OR13A1: variants seen among roughly 807,000 people sequenced by gnomAD.
OR13A1 encodes olfactory receptor family 13 subfamily A member 1.
In OR13A1, 10 loss-of-function variants were observed where a neutral mutation model predicts 7.5. The ratio of observed to expected loss-of-function variants is 1.34; its 90% confidence interval spans 0.83 to 2.27. The LOEUF (loss-of-function observed/expected upper bound fraction) is 2.27. OR13A1 is among the 30% of genes most tolerant of loss of function. The pLI is 0.00. For synonymous variants in OR13A1, 238 were observed against 177.9 expected (o/e 1.34, Z -2.69); for missense variants, 509 against 419.1 (o/e 1.21, Z -1.87).
Position 45,304,130 on chromosome 10 carries a change from T to C in OR13A1, c.293A>G (p.Lys98Arg). ...TTCCGACACCAGACTGGCCAGCGCC[T>C]TGGGCATGATGGAAGAGGTGCAGAT... ...DIICTSSIMP[K>R]ALASLVSEES... is the part of the protein sequence containing the mutation. Residue 98 changes from lysine to arginine, a missense_variant, in exon 4 of 4, where the codon AAG becomes AGG. Coordinates refer to ENST00000553795, the MANE Select transcript of OR13A1 (RefSeq NM_001004297.3). 6.2e-7 allele frequency: 1 copy of C among 1,614,180 alleles called. No homozygotes were observed. Among genetic ancestry groups the C allele is most frequent in the Non-Finnish European group, 8.5e-7 (1 of 1,180,024 alleles).
At position 45,303,433 on chromosome 10, in the gene OR13A1, A is replaced by T. The variant is rs778518255; in HGVS notation, c.*3T>A. On this transcript the variant is annotated 3_prime_UTR_variant, in exon 4 of 4. Transcript: ENST00000553795. Reference sequence around the variant, plus strand: ...CAAGGACAAAAACTTCAGAAGACACAAGTTAATTTCTGAAGAAAGGGAAAA... The same window carrying T: ...CAAGGACAAAAACTTCAGAAGACACTAGTTAATTTCTGAAGAAAGGGAAAA... 1 of 1,582,730 alleles carries T rather than the reference A, an allele frequency of 6.3e-7. No individual in the cohort carries two copies. Among genetic ancestry groups the T allele is most frequent in the Non-Finnish European group, 8.6e-7 (1 of 1,163,078 alleles).
chr10:45,306,239 G>T (rs925421992), intron 3 of OR13A1, among the ~76,000 whole-genome samples: 3 of 152,164 alleles, frequency 2.0e-5, no homozygotes, highest in African/African-American at 7.2e-5. Flanking sequence ...TGGATCAGAA[G>T]GTCAGGAGAT....
At chr10:45,307,889 T>C (rs1391223800) in intron 1 of OR13A1, 81 bp from the exon 2 acceptor site, 3 of 152,192 alleles carry the variant, frequency 2.0e-5, no homozygotes, top group African/African-American at 7.2e-5. Flanking sequence ...ATCTCTGAAA[T>C]TAAAAAGGTA....
chr10:45,307,047 T>C (rs1436037421), intron 3 of OR13A1, among the ~76,000 whole-genome samples: 1 of 152,242 alleles, frequency 6.6e-6, no homozygotes, highest in African/African-American at 2.4e-5. Context: ...GTTTCTGCAC[T>C]TCCGACTCAT....
chr10:45,304,387 TGG>T lies in OR13A1; in HGVS notation c.34_35del (p.Pro12ArgfsTer11), dbSNP rs750469537. The T allele has an allele frequency of 6.2e-7, 1 of 1,613,868 alleles. No homozygotes were observed. Among genetic ancestry groups the T allele is most frequent in the South Asian group, 1.1e-5 (1 of 91,064 alleles). On this transcript the variant is annotated frameshift_variant, in exon 4 of 4. Transcript: ENST00000553795. LOFTEE classifies it high-confidence loss of function. ...TCATCCTTGGGCTGGGACGGGTTTC[TGG>T]GACTATCAGGTGACTCTCCATCCAC... is the stretch of plus-strand genomic sequence containing the variant. ...KLWMESHLIV[P>X]ETRPSPRMMS...
At chr10:45,309,425 C>A (rs1471913706) in intron 1 of OR13A1, among the ~76,000 whole-genome samples, 2 of 152,090 alleles carry the variant, frequency 1.3e-5, no homozygotes, top group African/African-American at 4.8e-5. Context: ...ATCTCCCCTA[C>A]CAAACCTTCC....
chr10:45,303,982 C>G lies in OR13A1; in HGVS notation c.441G>C (p.Pro147=), dbSNP rs776129467. 4 of 1,612,570 alleles carry G rather than the reference C, an allele frequency of 2.5e-6. No homozygotes were observed. Among genetic ancestry groups the G allele is most frequent in the East Asian group, 4.5e-5 (2 of 44,850 alleles). The stretch of plus-strand genomic sequence containing the variant: ...TGCTCATCATGCTGCTGTAATGCAG[C>G]GGGTGGCAGATGGCTGCGTACCGGT... ...AYDRYAAICH[P]LHYSSMMSKV... is the part of the protein sequence containing the mutation. Residue 147 remains proline, a synonymous_variant, in exon 4 of 4, where the codon CCG becomes CCC. Transcript: ENST00000553795.
At position 45,310,691 on chromosome 10, in the gene OR13A1, TAA is replaced by T. The variant is rs199606267; in HGVS notation, c.-224-2885_-224-2884del. On this transcript the variant is annotated intron_variant, in intron 1 of 3. Transcript: ENST00000553795. ...GAACTAGAGATAAGGAACTTAGGAA[TAA>T]AAGACTGGAAGTAAGAATGAATTGT... 3.7e-3 allele frequency among the ~76,000 whole-genome samples: 568 copies of T among 151,834 alleles called. 7 individuals are homozygous for T. Among genetic ancestry groups the T allele is most frequent in the African/African-American group, 0.013 (536 of 41,374 alleles).
At chr10:45,306,114 G>A (rs1034267106) in intron 3 of OR13A1, among the ~76,000 whole-genome samples, 1 of 152,204 alleles carries the variant, frequency 6.6e-6, no homozygotes, top group Admixed American at 6.5e-5. Context: ...GATAAAATCA[G>A]CATAGTGCAC....
chr10:45,313,192 C>T (rs562427240), intron 1 of OR13A1, among the ~76,000 whole-genome samples: 5 of 151,986 alleles, frequency 3.3e-5, no homozygotes, highest in East Asian at 3.9e-4. Context: ...TGTACACAGT[C>T]GAAGTTATTC....
At chr10:45,314,852 G>A (rs1356895106) in intron 1 of OR13A1, among the ~76,000 whole-genome samples, 2 of 152,036 alleles carry the variant, frequency 1.3e-5, no homozygotes, top group Non-Finnish European at 1.5e-5. Context: ...CCTAATAAGA[G>A]TGAATCATGA....
At chr10:45,313,716 T>C (rs540795894) in intron 1 of OR13A1, among the ~76,000 whole-genome samples, 1 of 152,020 alleles carries the variant, frequency 6.6e-6, no homozygotes, top group East Asian at 1.9e-4. Flanking sequence ...CAGAAAGATA[T>C]AACAATTACA....
At position 45,304,451 on chromosome 10, in the gene OR13A1, G is replaced by C; in HGVS notation, c.-12-17C>G. ...ATTTCAGAGCTAGAGAGATAAACAAGAGGTGTCCTGAGGAAGGCTGCTCCC... is the reference window on the plus strand; with the variant it reads ...ATTTCAGAGCTAGAGAGATAAACAACAGGTGTCCTGAGGAAGGCTGCTCCC... On this transcript the variant is annotated splice_polypyrimidine_tract_variant and intron_variant, in intron 3 of 3. Coordinates refer to ENST00000553795, the MANE Select transcript of OR13A1 (RefSeq NM_001004297.3). The C allele has an allele frequency of 6.3e-7, 1 of 1,582,318 alleles. No individual in the cohort carries two copies. The highest frequency in any genetic ancestry group is 2.3e-4 in the Middle Eastern group (1 of 4,444).
intron 1 of OR13A1, among the ~76,000 whole-genome samples, chr10:45,315,057 C>A (rs377645879): frequency 2.6e-5 from 4 of 151,454 alleles, no homozygotes; most frequent in East Asian, 3.9e-4. Flanking sequence ...GCCAGTATTA[C>A]CCTGATTTCA....
At chr10:45,309,462 T>C (rs1007085150) in intron 1 of OR13A1, among the ~76,000 whole-genome samples, 1 of 151,990 alleles carries the variant, frequency 6.6e-6, no homozygotes, top group East Asian at 1.9e-4. Flanking sequence ...AAAGGACCAC[T>C]CTGTCTGCTG....
At chr10:45,308,135 G>T (rs1383198052) in intron 1 of OR13A1, among the ~76,000 whole-genome samples, 1 of 152,058 alleles carries the variant, frequency 6.6e-6, no homozygotes, top group Non-Finnish European at 1.5e-5. Flanking sequence ...TATGAAGGTA[G>T]GCATTTCTAT....
rs769084113 is a variant in OR13A1, at chr10:45,304,022, G to A, written c.401C>T (p.Thr134Met). The change falls in exon 4 of 4, where the codon ACG becomes ATG. Residue 134 changes from threonine to methionine, a missense_variant. Coordinates refer to ENST00000553795, the MANE Select transcript of OR13A1 (RefSeq NM_001004297.3). Reference protein sequence around the residue: ...WAASSELLLLTVMAYDRYAAI... With the variant: ...WAASSELLLLMVMAYDRYAAI... ...TGCGTACCGGTCATAGGCCATGACC[G>A]TGAGGAGCAGCAGCTCTGAGGATGC... 17 of 1,612,936 alleles carry A rather than the reference G, an allele frequency of 1.1e-5. No individual in the cohort carries two copies. Among genetic ancestry groups the A allele is most frequent in the Middle Eastern group, 1.7e-4 (1 of 6,050 alleles).
At chr10:45,312,572 CAA>C (rs34131771) in intron 1 of OR13A1, among the ~76,000 whole-genome samples, 1 of 148,888 alleles carries the variant, frequency 6.7e-6, no homozygotes. Flanking sequence ...AAGATATGAA[CAA>C]AAAAAAAATG....
At chr10:45,307,214 G>A (rs1449666273) in intron 3 of OR13A1, among the ~76,000 whole-genome samples, 4 of 152,212 alleles carry the variant, frequency 2.6e-5, no homozygotes, top group Non-Finnish European at 4.4e-5. Context: ...CTACCAAGCA[G>A]CAGTGTGCAG....
Sources: gnomAD v4.1 joint callset for allele counts (sites outside exome capture counted in the v4.1 genomes callset) on GRCh38, gnomAD v4.1.1 for gene constraint, MANE v1.5 for transcripts, NCBI Gene and HGNC (gene_info 2026-07-23, HGNC 2026-07-21) for gene names.